CMC4: variants seen among roughly 807,000 people sequenced by gnomAD.
CMC4 encodes the protein C-X9-C motif containing 4, also known as cx9C motif-containing protein 4.
In CMC4, 4 loss-of-function variants were observed where a neutral mutation model predicts 5.1. That is an observed-to-expected ratio of 0.78 (90% CI 0.38 to 1.78). The LOEUF (loss-of-function observed/expected upper bound fraction) is 1.78, where lower values mean the gene tolerates loss of function less well. Among genes scored for constraint, CMC4 ranks in the 40% most tolerant of loss-of-function variants. CMC4 has a pLI of 0.04. For missense variants in CMC4, 52 were observed against 51.3 expected, an observed-to-expected ratio of 1.01 and a Z score of -0.04; for synonymous variants, 23 against 18.9, an observed-to-expected ratio of 1.22 and a Z score of -0.57.
intron 1 of CMC4, among the ~76,000 whole-genome samples, chrX:155,069,572 A>T (rs2073962072): frequency 8.9e-6 from 1 of 112,482 alleles, no homozygotes; most frequent in African/African-American, 3.2e-5. Context: ...AGGAAAAGAA[A>T]GGCACAGAGA....
At chrX:155,069,778 T>C (rs889978319) in intron 1 of CMC4, among the ~76,000 whole-genome samples, 2 of 112,222 alleles carry the variant, frequency 1.8e-5, no homozygotes, top group Non-Finnish European at 3.8e-5. Flanking sequence ...TTAGAAAAGT[T>C]AGTGAACCTC....
intron 1 of CMC4, chrX:155,065,387 A>G: frequency 2.5e-6 from 2 of 786,839 alleles, no homozygotes; most frequent in Non-Finnish European, 3.8e-6. Context: ...ATATCTTCGT[A>G]GAATCCCAGC....
intron 1 of CMC4, among the ~76,000 whole-genome samples, chrX:155,069,958 AATAAC>A (rs1212153666): frequency 8.9e-6 from 1 of 112,713 alleles, no homozygotes; most frequent in African/African-American, 3.2e-5. Context: ...AGTAACTGAA[AATAAC>A]ATATGATATA....
chrX:155,065,478 A>G, intron 1 of CMC4: 11 of 1,204,816 alleles, frequency 9.1e-6, no homozygotes, highest in Non-Finnish European at 1.2e-5. Context: ...AGAAATAGAA[A>G]TACATACCAG....
At position 155,071,012 on chromosome X, in the gene CMC4, G is replaced by A. The variant is rs2073972172; in HGVS notation, c.-329C>T. The A allele has an allele frequency of 8.9e-6, 1 of 112,910 alleles. No homozygotes were observed. Among genetic ancestry groups the A allele is most frequent in the Non-Finnish European group, 1.9e-5 (1 of 53,188 alleles). 9.3% of individuals were successfully genotyped at this position (112,910 alleles called of 1,213,427 possible). The stretch of plus-strand genomic sequence containing the variant: ...TCAAGAGGCCGGCGTTCGCGGAGAT[G>A]TCGTCTTAAAGGGCTGTCCCCCAAG... On this transcript the variant is annotated 5_prime_UTR_variant, in exon 1 of 3. Transcript: ENST00000369484.
rs191093316 is a variant in CMC4 at position 155,071,028 on chromosome X, G to A, written c.-345C>T. 1,276 of 112,852 alleles carry A rather than the reference G, an allele frequency of 0.011. 6 individuals carry two copies. Among genetic ancestry groups the A allele is most frequent in the Non-Finnish European group, 0.019 (994 of 53,147 alleles). 9.3% of individuals were successfully genotyped at this position (112,852 alleles called of 1,213,427 possible). A position where few individuals can be genotyped will look rare whatever the true frequency, so the allele number is the denominator to read the frequency against. On this transcript the variant is annotated 5_prime_UTR_variant, in exon 1 of 3. Transcript: ENST00000369484. Reference sequence around the variant, plus strand: ...CGCGGAGATGTCGTCTTAAAGGGCTGTCCCCCAAGCGTGTAGGCCGCGCAC... The same window carrying A: ...CGCGGAGATGTCGTCTTAAAGGGCTATCCCCCAAGCGTGTAGGCCGCGCAC...
At chrX:155,069,963 C>T (rs959508707) in intron 1 of CMC4, among the ~76,000 whole-genome samples, 1 of 112,568 alleles carries the variant, frequency 8.9e-6, no homozygotes, top group Admixed American at 9.4e-5. Context: ...CTGAAAATAA[C>T]ATATGATATA....
intron 1 of CMC4, among the ~76,000 whole-genome samples, chrX:155,070,054 A>G (rs782657857): frequency 1.3e-4 from 15 of 112,305 alleles, no homozygotes; most frequent in Non-Finnish European, 2.4e-4. Flanking sequence ...GATCAAATTA[A>G]TTATAGAAAG....
chrX:155,061,741 GCTGA>G lies in CMC4; in HGVS notation c.*98_*101del. 7.2e-6 allele frequency: 7 copies of G among 970,309 alleles called. No homozygotes were observed. The South Asian group carries it at 1.2e-4, about 17-fold the overall frequency. The allele number at this position is 970,309 out of a possible 1,213,427, so 80.0% of individuals were successfully genotyped here. On this transcript the variant is annotated 3_prime_UTR_variant, in exon 3 of 3. Coordinates refer to ENST00000369484, the MANE Select transcript of CMC4 (RefSeq NM_001018024.3). The stretch of plus-strand genomic sequence containing the variant: ...GATGGCATATTCATTAACTTTTGTA[GCTGA>G]CTTTTTCATTTGCTATTTGCTGCTA...
At chrX:155,070,361 C>G (rs1557292347) in intron 1 of CMC4, among the ~76,000 whole-genome samples, 1 of 112,200 alleles carries the variant, frequency 8.9e-6, no homozygotes, top group South Asian at 3.7e-4. Flanking sequence ...TTTAGAATCG[C>G]TTTCAAAATC....
chrX:155,068,055 A>G (rs985870214), intron 1 of CMC4, among the ~76,000 whole-genome samples: 39 of 112,442 alleles, frequency 3.5e-4, no homozygotes, highest in African/African-American at 1.3e-3. Context: ...AATATATTAA[A>G]TTCGGATTTC....
At chrX:155,067,955 C>T (rs1339145954) in intron 1 of CMC4, among the ~76,000 whole-genome samples, 1 of 112,203 alleles carries the variant, frequency 8.9e-6, no homozygotes, top group East Asian at 2.8e-4. Flanking sequence ...TTCCCATTTG[C>T]AGATACAGTT....
chrX:155,068,873 GCAATA>G (rs1384588635), intron 1 of CMC4, among the ~76,000 whole-genome samples: 8 of 112,547 alleles, frequency 7.1e-5, no homozygotes, highest in African/African-American at 2.6e-4. Context: ...GGTACAAGGT[GCAATA>G]CAATACATGG....
At chrX:155,062,258 A>AT (rs782792664) in intron 2 of CMC4, among the ~76,000 whole-genome samples, 51 of 112,263 alleles carry the variant, frequency 4.5e-4, no homozygotes, top group Non-Finnish European at 6.2e-4. Context: ...TTTCTAGGAC[A>AT]TTGGTTTTTA....
chrX:155,067,844 C>T (rs1351304569), intron 1 of CMC4, among the ~76,000 whole-genome samples: 4 of 111,702 alleles, frequency 3.6e-5, no homozygotes, highest in Non-Finnish European at 7.5e-5. Context: ...AAAGGAACGC[C>T]ACAGTGGTTG....
intron 2 of CMC4, among the ~76,000 whole-genome samples, chrX:155,063,274 C>T (rs1557291756): frequency 8.9e-6 from 1 of 112,145 alleles, no homozygotes; most frequent in Admixed American, 9.4e-5. Flanking sequence ...TGGGGGAACT[C>T]TGAACATTTT....
intron 1 of CMC4, among the ~76,000 whole-genome samples, chrX:155,067,748 A>G (rs1157610570): frequency 8.9e-6 from 1 of 112,560 alleles, no homozygotes; most frequent in African/African-American, 3.2e-5. Flanking sequence ...GGAATGATAC[A>G]GTTCTGGGCA....
intron 2 of CMC4, among the ~76,000 whole-genome samples, chrX:155,063,364 TTTCAAA>T (rs1371174660): frequency 8.9e-6 from 1 of 112,473 alleles, no homozygotes; most frequent in Non-Finnish European, 1.9e-5. Context: ...ATTAAAATTT[TTTCAAA>T]TTCAGATAGC....
At chrX:155,065,711 TAAG>T in intron 1 of CMC4, 2 of 1,210,446 alleles carry the variant, frequency 1.7e-6, no homozygotes, top group Non-Finnish European at 1.1e-6. Flanking sequence ...AGCTGGGAGG[TAAG>T]AAGGTGACTT....
Sources: gnomAD v4.1 joint callset for allele counts (sites outside exome capture counted in the v4.1 genomes callset) on GRCh38, gnomAD v4.1.1 for gene constraint, MANE v1.5 for transcripts, NCBI Gene and HGNC (gene_info 2026-07-23, HGNC 2026-07-21) for gene names.